The following RBFOX1 variants were observed in gnomAD, a reference collection of about 807,000 sequenced individuals.
RBFOX1 encodes RNA binding fox-1 homolog 1, also known as RNA binding protein fox-1 homolog 1.
In RBFOX1, 8 loss-of-function variants were observed where a neutral mutation model predicts 57.7. That is an observed-to-expected ratio of 0.14 (90% CI 0.08 to 0.25). RBFOX1 has a LOEUF of 0.25. Among genes scored for constraint, RBFOX1 ranks in the 10% least tolerant of loss-of-function variants. The probability of loss-of-function intolerance (pLI) is 1.00; values close to 1 mark genes in which losing one functional copy is unlikely to be tolerated. For missense variants in RBFOX1, 611 were observed against 548.5 expected, an observed-to-expected ratio of 1.11 and a Z score of -1.14; for synonymous variants, 326 against 222.4, an observed-to-expected ratio of 1.47 and a Z score of -4.15.
intron 7 of RBFOX1, among the ~76,000 whole-genome samples, chr16:7,594,933 A>G (rs2094610264): frequency 6.6e-6 from 1 of 152,180 alleles, no homozygotes; most frequent in Admixed American, 6.5e-5. Context: ...TTTTTTGTTT[A>G]TTAGACCAAA....
intron 2 of RBFOX1, among the ~76,000 whole-genome samples, chr16:6,627,684 C>T (rs1177735077): frequency 3.3e-5 from 5 of 152,126 alleles, no homozygotes; most frequent in Admixed American, 1.3e-4. Flanking sequence ...ATGAGCAGCA[C>T]ACTGTGAAAA....
At chr16:6,468,414 T>A (rs924723940) in intron 2 of RBFOX1, among the ~76,000 whole-genome samples, 3 of 152,176 alleles carry the variant, frequency 2.0e-5, no homozygotes, top group Non-Finnish European at 2.9e-5. Flanking sequence ...CCCGCAACGA[T>A]GTTGTAAAGA....
chr16:7,058,670 A>T (rs1043990746), intron 4 of RBFOX1, among the ~76,000 whole-genome samples: 1 of 152,176 alleles, frequency 6.6e-6, no homozygotes, highest in Non-Finnish European at 1.5e-5. Flanking sequence ...GTTGTTAGAA[A>T]AGTGTCTGGA....
rs149742137 is a variant in RBFOX1 at position 7,269,540 on chromosome 16, T to C, written c.27+217442T>C. On this transcript the variant is annotated intron_variant, in intron 4 of 15. Transcript: ENST00000550418. ...TAGTGAATTTTTAGAATTTATCGTATAATTTTTTACTTGGTATTAAAATGT... is the reference window on the plus strand; with the variant it reads ...TAGTGAATTTTTAGAATTTATCGTACAATTTTTTACTTGGTATTAAAATGT... Among the ~76,000 whole-genome samples the C allele has an allele frequency of 4.2e-3, 640 of 152,342 alleles. 3 individuals carry two copies. Among genetic ancestry groups the C allele is most frequent in the African/African-American group, 0.014 (594 of 41,586 alleles).
intron 1 of RBFOX1, among the ~76,000 whole-genome samples, chr16:5,375,232 C>T (rs529004330): frequency 8.7e-4 from 133 of 152,106 alleles, no homozygotes; most frequent in African/African-American, 3.2e-3. Context: ...GGGAAGATGA[C>T]ATGTGATAAT....
At chr16:6,419,510 T>A (rs1378584461) in intron 2 of RBFOX1, among the ~76,000 whole-genome samples, 1 of 152,194 alleles carries the variant, frequency 6.6e-6, no homozygotes, top group Non-Finnish European at 1.5e-5. Flanking sequence ...TTAATTCAAG[T>A]ACATTTCTAC....
intron 4 of RBFOX1, among the ~76,000 whole-genome samples, chr16:7,159,249 G>T (rs113980136): frequency 1.3e-5 from 2 of 151,914 alleles, no homozygotes; most frequent in African/African-American, 2.4e-5. Flanking sequence ...TACCACCCAA[G>T]AATCTTTTTT....
chr16:6,419,632 G>A (rs188685176), intron 2 of RBFOX1, among the ~76,000 whole-genome samples: 2 of 152,150 alleles, frequency 1.3e-5, no homozygotes, highest in East Asian at 1.9e-4. Flanking sequence ...GCTTCCCTGC[G>A]TGGTGTGGTT....
intron 2 of RBFOX1, among the ~76,000 whole-genome samples, chr16:6,414,462 C>T (rs747851286): frequency 2.2e-4 from 33 of 152,192 alleles, no homozygotes; most frequent in Non-Finnish European, 4.7e-4. Flanking sequence ...GATCCTCATC[C>T]ATCTTATGTG....
intron 2 of RBFOX1, among the ~76,000 whole-genome samples, chr16:6,585,460 C>G (rs1379415352): frequency 1.3e-5 from 2 of 152,146 alleles, no homozygotes; most frequent in Non-Finnish European, 2.9e-5. Flanking sequence ...TGAATAGAAC[C>G]TTAGATCCCC....
chr16:7,522,914 C>T (rs1349069663), intron 5 of RBFOX1, among the ~76,000 whole-genome samples: 3 of 152,188 alleles, frequency 2.0e-5, no homozygotes, highest in Admixed American at 1.3e-4. Context: ...CCTGCATGCA[C>T]AACCATTACT....
chr16:7,393,259 A>C (rs1048721353), intron 4 of RBFOX1, among the ~76,000 whole-genome samples: 12 of 152,152 alleles, frequency 7.9e-5, no homozygotes, highest in African/African-American at 2.9e-4. Context: ...GCTATGGCCC[A>C]TGCAGGATCT....
intron 2 of RBFOX1, among the ~76,000 whole-genome samples, chr16:6,516,105 T>A (rs2096372583): frequency 6.6e-6 from 1 of 152,282 alleles, no homozygotes; most frequent in East Asian, 1.9e-4. Context: ...CTTGGCTCAC[T>A]GTAACTTCCG....
chr16:7,369,122 G>T (rs565727917), intron 4 of RBFOX1, among the ~76,000 whole-genome samples: 4 of 152,124 alleles, frequency 2.6e-5, no homozygotes, highest in Non-Finnish European at 4.4e-5. Context: ...TCACAACTCA[G>T]CGTGGATTGG....
chr16:5,772,842 C>T (rs1567521872), intron 3 of RBFOX1, among the ~76,000 whole-genome samples: 1 of 152,074 alleles, frequency 6.6e-6, no homozygotes, highest in Non-Finnish European at 1.5e-5. Context: ...GGGCAAAGGG[C>T]TGTCAGTTAC....
chr16:6,158,860 T>C (rs558015019), intron 1 of RBFOX1, among the ~76,000 whole-genome samples: 5 of 151,914 alleles, frequency 3.3e-5, no homozygotes, highest in African/African-American at 1.2e-4. Context: ...AAAAGTGAAG[T>C]TGGTTTTCTA....
chr16:6,179,912 G>T (rs993376442), intron 1 of RBFOX1, among the ~76,000 whole-genome samples: 1 of 152,166 alleles, frequency 6.6e-6, no homozygotes, highest in African/African-American at 2.4e-5. Context: ...TTCCTCGGTT[G>T]TGAGGGTGTA....
At chr16:5,299,016 C>T (rs1314293628) in intron 1 of RBFOX1, among the ~76,000 whole-genome samples, 1 of 139,858 alleles carries the variant, frequency 7.2e-6, no homozygotes, top group Non-Finnish European at 1.5e-5. Flanking sequence ...CCCACACAAC[C>T]ATCATGCCAA....
intron 3 of RBFOX1, among the ~76,000 whole-genome samples, chr16:6,863,567 A>G (rs1463884086): frequency 6.6e-6 from 1 of 151,462 alleles, no homozygotes; most frequent in Non-Finnish European, 1.5e-5. Context: ...TGTAAATAAC[A>G]TTAAAGATGT....
Sources: allele counts gnomAD v4.1 joint callset (sites outside exome capture counted in the v4.1 genomes callset), GRCh38; gene constraint gnomAD v4.1.1; transcripts MANE v1.5; gene names NCBI Gene and HGNC (gene_info 2026-07-23, HGNC 2026-07-21).